The following TNN variants were observed in gnomAD, a reference collection of about 807,000 sequenced individuals.
TNN encodes tenascin N.
A neutral mutation model predicts 134.4 loss-of-function variants in TNN; 122 were observed. The ratio of observed to expected loss-of-function variants is 0.91; its 90% CI spans 0.78 to 1.06. TNN has a LOEUF of 1.06. Among genes scored for constraint, TNN ranks in the 50% least tolerant of loss-of-function variants. The pLI, the probability that TNN is intolerant of heterozygous loss-of-function variation, is 0.00. For missense variants in TNN, 1,739 were observed against 1,699.4 expected, an observed-to-expected ratio of 1.02 and a Z score of -0.41; for synonymous variants, 710 against 670.3, an observed-to-expected ratio of 1.06 and a Z score of -0.91.
rs1254888931 is a variant in TNN at position 175,077,794 on chromosome 1, T to G, written c.376T>G (p.Cys126Gly). ...AGAGATGGTGGAGATGAAGGAACAG[T>G]GTAGTGCCCAGCGCTGCTGCCAGGG... Reference protein sequence around the residue: ...EEEMVEMKEQCSAQRCCQGVT... With the variant: ...EEEMVEMKEQGSAQRCCQGVT... The change falls in exon 2 of 19, where the codon TGT becomes GGT. Residue 126 changes from cysteine to glycine, a missense_variant. By Grantham distance (159) the Cys-to-Gly change is radical. Coordinates refer to ENST00000239462, the MANE Select transcript of TNN (RefSeq NM_022093.2). The G allele has an allele frequency of 1.2e-6, 2 of 1,613,956 alleles. No homozygotes were observed. The highest frequency in any genetic ancestry group is 1.7e-6 in the Non-Finnish European group (2 of 1,179,864).
At chr1:175,078,475 C>T (rs1028512399) in intron 2 of TNN, among the ~76,000 whole-genome samples, 11 of 152,094 alleles carry the variant, frequency 7.2e-5, no homozygotes, top group African/African-American at 2.7e-4. Context: ...CATAAACTGC[C>T]CAGGCTGATC....
chr1:175,129,238 G>A (rs1285357780), intron 15 of TNN, among the ~76,000 whole-genome samples: 2 of 152,158 alleles, frequency 1.3e-5, no homozygotes, highest in Non-Finnish European at 2.9e-5. Flanking sequence ...AGCAACATTA[G>A]GAGTGCTTCT....
At chr1:175,111,209 T>C (rs1199738564) in intron 9 of TNN, among the ~76,000 whole-genome samples, 1 of 152,060 alleles carries the variant, frequency 6.6e-6, no homozygotes, top group African/African-American at 2.4e-5. Context: ...TCCCAGTTAC[T>C]TGGGAGGCTG....
chr1:175,112,598 C>CTTTT lies in TNN; in HGVS notation c.2120-4307_2120-4304dup, dbSNP rs767531767. Among the ~76,000 whole-genome samples the CTTTT allele has an allele frequency of 3.0e-3, 65 of 21,988 alleles. 24 individuals are homozygous for CTTTT. Among genetic ancestry groups the CTTTT allele is most frequent in the South Asian group, 7.2e-3 (3 of 414 alleles). 14.4% of individuals were successfully genotyped at this position (21,988 alleles called of 152,430 possible). ...TTAAAGATCCATTCAGCCGGCCGAT[C>CTTTT]TTTTTTTTTTTTTTTTTTTTTTTTT... On this transcript the variant is annotated intron_variant, in intron 9 of 18. Transcript: ENST00000239462.
intron 9 of TNN, among the ~76,000 whole-genome samples, chr1:175,113,496 G>T (rs1051479757): frequency 6.6e-6 from 1 of 151,834 alleles, no homozygotes; most frequent in African/African-American, 2.4e-5. Context: ...TTTTCTCTTT[G>T]TCTTTGACTA....
chr1:175,130,460 A>T (rs973848423), intron 15 of TNN, among the ~76,000 whole-genome samples: 3 of 152,234 alleles, frequency 2.0e-5, no homozygotes, highest in African/African-American at 7.2e-5. Flanking sequence ...ATAGGGCTGT[A>T]CCTGCTGCTT....
Position 175,144,679 on chromosome 1 carries a change from C to A in TNN, c.3759+129C>A, listed in dbSNP as rs889658242. ...TTCCAGTCAAAGCAGTAGAGCTTCTCCTCCAGGCTCCATGGCCTTGAGGTC... is the reference window on the plus strand; with the variant it reads ...TTCCAGTCAAAGCAGTAGAGCTTCTACTCCAGGCTCCATGGCCTTGAGGTC... On this transcript the variant is annotated intron_variant, in intron 18 of 18. Coordinates refer to ENST00000239462, the MANE Select transcript of TNN (RefSeq NM_022093.2). The A allele has an allele frequency of 6.0e-6, 6 of 1,006,802 alleles. No individual in the cohort carries two copies. The Admixed American group carries it at 1.1e-4, about 19-fold the overall frequency. 62.4% of individuals were successfully genotyped at this position (1,006,802 alleles called of 1,614,324 possible). A position where few individuals can be genotyped will look rare whatever the true frequency, so the allele number is the denominator to read the frequency against.
At position 175,083,943 on chromosome 1, in the gene TNN, C is replaced by T. The variant is rs995396538; in HGVS notation, c.1234+8C>T. On this transcript the variant is annotated splice_region_variant and intron_variant, in intron 5 of 18. Transcript: ENST00000239462. ...GCCGATATGACATCACTGGTAAGAG[C>T]CATCACTGGAATGTGAGATGTATGC... 1 of 1,612,818 alleles carries T rather than the reference C, an allele frequency of 6.2e-7. No homozygotes were observed. The highest frequency in any genetic ancestry group is 8.5e-7 in the Non-Finnish European group (1 of 1,179,474).
chr1:175,094,005 C>T lies in TNN; in HGVS notation c.1340C>T (p.Thr447Ile). Residue 447 changes from threonine to isoleucine, a missense_variant, in exon 7 of 19, where the codon ACC becomes ATC. By Grantham distance (89) the Thr-to-Ile change is moderately conservative (BLOSUM62 -1). Coordinates refer to ENST00000239462, the MANE Select transcript of TNN (RefSeq NM_022093.2). ...TTTTATGAAGAAATTGACAGTCCAA[C>T]CAATGTTGTCACTGATCGAGTGACT... ...LNGRTEIDSP[T>I]NVVTDRVTED... 1 of 1,602,074 alleles carries T rather than the reference C, an allele frequency of 6.2e-7. No homozygotes were observed. The highest frequency in any genetic ancestry group is 8.5e-7 in the Non-Finnish European group (1 of 1,170,794).
Position 175,079,394 on chromosome 1 carries a change from C to T in TNN, c.471C>T (p.Cys157=). Residue 157 remains cysteine, a synonymous_variant, in exon 3 of 19, where the codon TGC becomes TGT. Transcript: ENST00000239462. ...CCCTGGAGACCTGCAGCTGCCACTG[C>T]GAAGAGGGCAGGGAGGGCCCCGCCT... ...TFSLETCSCH[C]EEGREGPACE... 6.3e-6 allele frequency: 10 copies of T among 1,598,842 alleles called. No homozygotes were observed. Among genetic ancestry groups the T allele is most frequent in the Non-Finnish European group, 8.5e-6 (10 of 1,176,460 alleles).
At chr1:175,146,803 T>G in intron 18 of TNN, 128 bp from the exon 19 acceptor site, 1 of 899,068 alleles carries the variant, frequency 1.1e-6, no homozygotes, top group Non-Finnish European at 1.5e-6. Flanking sequence ...TCTCTTTCTC[T>G]CTCCTGAGCA....
At position 175,118,758 on chromosome 1, in the gene TNN, A is replaced by G. The variant is rs549739444; in HGVS notation, c.2584A>G (p.Thr862Ala). 46 of 1,614,214 alleles carry G rather than the reference A, an allele frequency of 2.8e-5. No homozygotes were observed. The East Asian group carries it at 5.6e-4, about 20-fold the overall frequency. Residue 862 changes from threonine to alanine, a missense_variant, in exon 11 of 19, where the codon ACG becomes GCG. Physicochemically the swap from Thr to Ala is moderately conservative, Grantham distance 58. Coordinates refer to ENST00000239462, the MANE Select transcript of TNN (RefSeq NM_022093.2). Reference sequence around the variant, plus strand: ...GGGCCTGAGGCCGGGCATGGAGTACACGGTGCACGTGTGGGCCCAGAAGGG... The same window carrying G: ...GGGCCTGAGGCCGGGCATGGAGTACGCGGTGCACGTGTGGGCCCAGAAGGG... ...LTGLRPGMEY[T>A]VHVWAQKGNQ...
At position 175,077,829 on chromosome 1, in the gene TNN, T is replaced by C. The variant is rs776222810; in HGVS notation, c.409+2T>C. On this transcript the variant is annotated splice_donor_variant, in intron 2 of 18. Coordinates refer to ENST00000239462, the MANE Select transcript of TNN (RefSeq NM_022093.2). LOFTEE classifies it high-confidence loss of function. ...AGCGCTGCTGCCAGGGAGTCACTGG[T>C]GAGCTCACCACCTGGTATTCATTCA... The C allele has an allele frequency of 6.2e-7, 1 of 1,607,870 alleles. No individual in the cohort carries two copies. Among genetic ancestry groups the C allele is most frequent in the African/African-American group, 1.3e-5 (1 of 74,952 alleles).
At chr1:175,073,416 C>A (rs936474301) in intron 1 of TNN, among the ~76,000 whole-genome samples, 1 of 152,292 alleles carries the variant, frequency 6.6e-6, no homozygotes, top group Non-Finnish European at 1.5e-5. Context: ...TTCCCACTCC[C>A]CCCATCTTCT....
chr1:175,137,073 G>T, intron 17 of TNN, 85 bp downstream of exon 17: 1 of 1,393,842 alleles, frequency 7.2e-7, no homozygotes, highest in Non-Finnish European at 1.0e-6. Flanking sequence ...TGATCTGGGG[G>T]ATGGAATATT....
In TNN at chr1:175,107,066, C is replaced by T. The variant is rs141927888; in HGVS notation, c.2119+8471C>T. ...TCTCACCGCTCGGCTATTGTCTCAC[C>T]GCTTGGCGATATGCGAAAGTCCCTT... On this transcript the variant is annotated intron_variant, in intron 9 of 18. Coordinates refer to ENST00000239462, the MANE Select transcript of TNN (RefSeq NM_022093.2). Among the ~76,000 whole-genome samples, 598 of 146,416 alleles carry T rather than the reference C, an allele frequency of 4.1e-3. 76 individuals are homozygous for T. Among genetic ancestry groups the T allele is most frequent in the Admixed American group, 0.035 (505 of 14,558 alleles).
intron 1 of TNN, 59 bp from the exon 2 acceptor site, chr1:175,077,325 A>AG: frequency 7.3e-7 from 1 of 1,368,940 alleles, no homozygotes; most frequent in East Asian, 2.3e-5. Context: ...TGGTAAAAAA[A>AG]AAGCCAGCTT....
In TNN at chr1:175,123,669, G is replaced by C; in HGVS notation, c.2914+6G>C. ...TGACACCAAGGCCCAGACAGGTACTGAGAGGGACCAGGCCAGGGGAACACC... is the reference window on the plus strand; with the variant it reads ...TGACACCAAGGCCCAGACAGGTACTCAGAGGGACCAGGCCAGGGGAACACC... On this transcript the variant is annotated splice_donor_region_variant and intron_variant, in intron 12 of 18. Coordinates refer to ENST00000239462, the MANE Select transcript of TNN (RefSeq NM_022093.2). 1.9e-6 allele frequency: 3 copies of C among 1,614,030 alleles called. No homozygotes were observed. Among genetic ancestry groups the C allele is most frequent in the Non-Finnish European group, 2.5e-6 (3 of 1,179,916 alleles).
intron 11 of TNN, among the ~76,000 whole-genome samples, chr1:175,119,185 G>T (rs1171039771): frequency 6.6e-6 from 1 of 152,258 alleles, no homozygotes; most frequent in African/African-American, 2.4e-5. Flanking sequence ...GGGCAGAGCA[G>T]CCCTGAGGGC....
Sources: gnomAD v4.1 joint callset for allele counts (sites outside exome capture counted in the v4.1 genomes callset) on GRCh38, gnomAD v4.1.1 for gene constraint, MANE v1.5 for transcripts, NCBI Gene and HGNC (gene_info 2026-07-23, HGNC 2026-07-21) for gene names.